Variants in ADGRB3 observed in about 807,000 individuals in gnomAD.
The protein encoded by ADGRB3 is brain-specific angiogenesis inhibitor 3.
A neutral mutation model predicts 193.4 loss-of-function variants in ADGRB3; 37 were observed. That is an observed-to-expected ratio of 0.19 (90% CI 0.15 to 0.25). The LOEUF (loss-of-function observed/expected upper bound fraction) is 0.25, where lower values mean the gene tolerates loss of function less well. ADGRB3 is among the 10% of genes least tolerant of loss of function. The pLI, the probability that ADGRB3 is intolerant of heterozygous loss-of-function variation, is 1.00. For synonymous variants in ADGRB3, 690 were observed against 644.2 expected (o/e 1.07, Z -1.08); for missense variants, 1,637 against 1,852.9 (o/e 0.88, Z 2.14).
intron 3 of ADGRB3, among the ~76,000 whole-genome samples, chr6:68,814,134 T>G (rs955934366): frequency 2.6e-5 from 4 of 152,174 alleles, no homozygotes; most frequent in Admixed American, 1.3e-4. Context: ...ATCGCCACAC[T>G]GACTTCCACA....
intron 29 of ADGRB3, among the ~76,000 whole-genome samples, chr6:69,367,039 T>C (rs1167681861): frequency 1.3e-5 from 2 of 152,112 alleles, no homozygotes; most frequent in Admixed American, 6.6e-5. Context: ...GAGATTTCTC[T>C]AGATAAGGTG....
intron 20 of ADGRB3, among the ~76,000 whole-genome samples, chr6:69,245,585 T>A (rs1182368250): frequency 2.0e-5 from 3 of 152,134 alleles, no homozygotes; most frequent in Admixed American, 2.0e-4. Flanking sequence ...TTCTAATAGT[T>A]CATCAAAATT....
At chr6:69,096,316 A>G (rs1582457394) in intron 17 of ADGRB3, among the ~76,000 whole-genome samples, 1 of 151,546 alleles carries the variant, frequency 6.6e-6, no homozygotes. Flanking sequence ...TGCTTTAATT[A>G]AAGACAATTG....
At chr6:68,883,798 G>A (rs750417694) in intron 3 of ADGRB3, among the ~76,000 whole-genome samples, 18 of 151,954 alleles carry the variant, frequency 1.2e-4, no homozygotes, top group Non-Finnish European at 2.2e-4. Context: ...CAGGGTCTGC[G>A]GCTTCATTCT....
chr6:68,914,151 T>G (rs917314383), intron 3 of ADGRB3, among the ~76,000 whole-genome samples: 1 of 151,442 alleles, frequency 6.6e-6, no homozygotes, highest in African/African-American at 2.4e-5. Context: ...TTCCCCAATC[T>G]AGCAAGGCAG....
intron 3 of ADGRB3, among the ~76,000 whole-genome samples, chr6:68,689,251 G>T (rs935114621): frequency 1.3e-5 from 2 of 152,068 alleles, no homozygotes; most frequent in East Asian, 1.9e-4. Flanking sequence ...GGGAGGGTAG[G>T]TGTCATTAGA....
At chr6:69,096,233 A>G (rs1772872251) in intron 17 of ADGRB3, among the ~76,000 whole-genome samples, 2 of 152,128 alleles carry the variant, frequency 1.3e-5, no homozygotes. Context: ...TTAAAATTTA[A>G]TTTACCATTT....
At chr6:68,981,119 C>A (rs1395344851) in intron 10 of ADGRB3, among the ~76,000 whole-genome samples, 2 of 151,616 alleles carry the variant, frequency 1.3e-5, no homozygotes, top group Non-Finnish European at 3.0e-5. Context: ...ATTCTTGTCA[C>A]CACGCTCCAA....
intron 3 of ADGRB3, among the ~76,000 whole-genome samples, chr6:68,664,333 G>A (rs1435046393): frequency 6.6e-6 from 1 of 151,726 alleles, no homozygotes; most frequent in African/African-American, 2.4e-5. Context: ...AAATTCATAT[G>A]TTGAAATCCT....
At chr6:69,276,646 C>T (rs543672622) in intron 20 of ADGRB3, among the ~76,000 whole-genome samples, 1 of 152,232 alleles carries the variant, frequency 6.6e-6, no homozygotes, top group East Asian at 1.9e-4. Context: ...CATCAGCCAC[C>T]AGTGGATGAT....
At chr6:68,658,998 A>G (rs1190626951) in intron 3 of ADGRB3, among the ~76,000 whole-genome samples, 1 of 151,166 alleles carries the variant, frequency 6.6e-6, no homozygotes, top group East Asian at 1.9e-4. Flanking sequence ...AGAGGTGAAA[A>G]GTTCATTCCC....
At chr6:69,382,495 T>C (rs2127238868) in intron 30 of ADGRB3, among the ~76,000 whole-genome samples, 1 of 152,100 alleles carries the variant, frequency 6.6e-6, no homozygotes, top group Admixed American at 6.6e-5. Context: ...TTTTAAACAT[T>C]TTAAAAATAT....
At chr6:69,053,828 T>G (rs1468548851) in intron 15 of ADGRB3, among the ~76,000 whole-genome samples, 1 of 152,116 alleles carries the variant, frequency 6.6e-6, no homozygotes, top group Non-Finnish European at 1.5e-5. Flanking sequence ...ATAGCAATTC[T>G]ACTTCTAAGA....
intron 17 of ADGRB3, among the ~76,000 whole-genome samples, chr6:69,083,131 T>A (rs1316082109): frequency 1.3e-5 from 2 of 152,206 alleles, no homozygotes; most frequent in Non-Finnish European, 2.9e-5. Flanking sequence ...AAATTGGAAA[T>A]TTAAATCCAT....
chr6:69,148,693 C>G (rs1036705251), intron 17 of ADGRB3, among the ~76,000 whole-genome samples: 9 of 152,014 alleles, frequency 5.9e-5, no homozygotes, highest in East Asian at 1.9e-4. Flanking sequence ...TACAAAACTC[C>G]CTTTAGCATG....
intron 31 of ADGRB3, among the ~76,000 whole-genome samples, chr6:69,386,242 T>G (rs1770066750): frequency 6.6e-6 from 1 of 152,120 alleles, no homozygotes; most frequent in African/African-American, 2.4e-5. Flanking sequence ...AGTTCACATA[T>G]CCATAACAGT....
At chr6:69,274,475 T>TCCTTCCTTCCTTCCTCCCTCCCTC (rs1057078353) in intron 20 of ADGRB3, among the ~76,000 whole-genome samples, 2 of 115,918 alleles carry the variant, frequency 1.7e-5, no homozygotes, top group African/African-American at 9.0e-5. Flanking sequence ...CTTCCTTCCT[T>TCCTTCCTTCCTTCCTCCCTCCCTC]CCTCCCTCCC....
intron 3 of ADGRB3, among the ~76,000 whole-genome samples, chr6:68,848,190 T>TA (rs1768320975): frequency 6.6e-6 from 1 of 152,036 alleles, no homozygotes; most frequent in Admixed American, 6.6e-5. Flanking sequence ...AAGTCACTTT[T>TA]AAAAAAACAA....
chr6:69,086,003 C>T (rs913476109), intron 17 of ADGRB3, among the ~76,000 whole-genome samples: 2 of 151,218 alleles, frequency 1.3e-5, no homozygotes, highest in African/African-American at 4.9e-5. Flanking sequence ...AAAAAGAAAC[C>T]TTCTGTTTAA....
Sources: gnomAD v4.1 joint callset for allele counts (sites outside exome capture counted in the v4.1 genomes callset) on GRCh38, gnomAD v4.1.1 for gene constraint, MANE v1.5 for transcripts, NCBI Gene and HGNC (gene_info 2026-07-23, HGNC 2026-07-21) for gene names.